SCAPER: variants seen among roughly 807,000 people sequenced by gnomAD.
SCAPER encodes the protein S-phase cyclin A associated protein in the ER.
Under a neutral mutation model 182.2 loss-of-function variants are expected in SCAPER, and 98 were observed. The observed-to-expected ratio is 0.54, with a 90% CI of 0.46 to 0.64. The LOEUF is 0.64. Ranked by LOEUF, SCAPER falls within the 30% of genes least tolerant of loss-of-function variation. The pLI, the probability that SCAPER is intolerant of heterozygous loss-of-function variation, is 0.00. For missense variants in SCAPER, 1,432 were observed against 1,690.0 expected, an observed-to-expected ratio of 0.85 and a Z score of 2.68; for synonymous variants, 605 against 564.6, an observed-to-expected ratio of 1.07 and a Z score of -1.01.
At chr15:76,863,397 G>C (rs1029787377) in intron 2 of SCAPER, among the ~76,000 whole-genome samples, 2 of 152,192 alleles carry the variant, frequency 1.3e-5, no homozygotes, top group Non-Finnish European at 2.9e-5. Context: ...AGTCCAATTA[G>C]TAGGTGCCTC....
At chr15:76,825,208 G>A (rs117381482) in intron 5 of SCAPER, among the ~76,000 whole-genome samples, 4,687 of 152,138 alleles carry the variant, frequency 0.031, 117 homozygotes, top group Non-Finnish European at 0.046. Context: ...CCCTCATCTA[G>A]TCCAACCTCT....
chr15:76,740,373 G>C (rs2061475854), intron 15 of SCAPER, among the ~76,000 whole-genome samples: 1 of 152,180 alleles, frequency 6.6e-6, no homozygotes, highest in African/African-American at 2.4e-5. Context: ...TAAAGATTAA[G>C]AGAGCTTACA....
intron 26 of SCAPER, among the ~76,000 whole-genome samples, chr15:76,410,616 C>T (rs944730061): frequency 2.4e-4 from 36 of 152,118 alleles, no homozygotes; most frequent in African/African-American, 8.0e-4. Flanking sequence ...ATTGTTATTG[C>T]TATAGTTTGG....
At chr15:76,616,959 G>A (rs1341466418) in intron 22 of SCAPER, among the ~76,000 whole-genome samples, 1 of 151,910 alleles carries the variant, frequency 6.6e-6, no homozygotes, top group East Asian at 1.9e-4. Flanking sequence ...AAACAAATTG[G>A]GCACTTTTAA....
At chr15:76,801,898 G>C (rs550113340) in intron 6 of SCAPER, among the ~76,000 whole-genome samples, 1 of 150,852 alleles carries the variant, frequency 6.6e-6, no homozygotes, top group African/African-American at 2.4e-5. Context: ...TAAAGAGTAA[G>C]ACTCTGTCTC....
In SCAPER at chr15:76,721,268, C is replaced by G. The variant is rs568110512; in HGVS notation, c.2165+7327G>C. On this transcript the variant is annotated intron_variant, in intron 17 of 31. Transcript: ENST00000563290. ...CGGCATTATTTCTGAGGGCTCTGTT[C>G]TGTTCCATTGGTCTATAACTCTGTT... Among the ~76,000 whole-genome samples the G allele has an allele frequency of 2.4e-3, 367 of 152,264 alleles. 2 individuals are homozygous for G. The highest frequency in any genetic ancestry group is 8.4e-3 in the African/African-American group (349 of 41,556).
rs188034999 is a variant in SCAPER, at chr15:76,607,727, T to G, written c.2711+14037A>C. Among the ~76,000 whole-genome samples, 43 of 151,952 alleles carry G rather than the reference T, an allele frequency of 2.8e-4. No individual in the cohort carries two copies. The East Asian group carries it at 7.6e-3, about 27-fold the overall frequency. On this transcript the variant is annotated intron_variant, in intron 22 of 31. Coordinates refer to ENST00000563290, the MANE Select transcript of SCAPER (RefSeq NM_020843.4). ...AGCTTTGTTCATTTCTTTTTACTCT[T>G]TTTTCTCTAAACTTCCCTTCTCGCT...
At chr15:76,596,798 T>A (rs1207188356) in intron 22 of SCAPER, among the ~76,000 whole-genome samples, 4 of 121,322 alleles carry the variant, frequency 3.3e-5, no homozygotes, top group South Asian at 2.6e-4. Flanking sequence ...TAGGTATTGA[T>A]GGAATGTATC....
intron 8 of SCAPER, 133 bp downstream of exon 8, chr15:76,795,147 T>C (rs1213401753): frequency 1.8e-5 from 15 of 841,790 alleles, no homozygotes; most frequent in East Asian, 1.5e-4. Flanking sequence ...AAGATAATTT[T>C]ATGTTTTAAT....
At chr15:76,748,563 C>T (rs960812838) in intron 15 of SCAPER, among the ~76,000 whole-genome samples, 38 of 149,214 alleles carry the variant, frequency 2.5e-4, no homozygotes, top group Non-Finnish European at 7.4e-5. Flanking sequence ...GAAAAGGCAA[C>T]TTGCAAAATT....
chr15:76,756,875 T>A (rs2062465293), intron 14 of SCAPER, among the ~76,000 whole-genome samples: 1 of 152,216 alleles, frequency 6.6e-6, no homozygotes, highest in Non-Finnish European at 1.5e-5. Context: ...GCTCAGGGAA[T>A]CATAGCTTAT....
At chr15:76,420,178 A>G (rs1478643705) in intron 26 of SCAPER, among the ~76,000 whole-genome samples, 2 of 152,022 alleles carry the variant, frequency 1.3e-5, no homozygotes, top group Non-Finnish European at 2.9e-5. Flanking sequence ...AGCTAATGTC[A>G]TAAGATCAGG....
chr15:76,752,704 T>C (rs1021776677), intron 15 of SCAPER, among the ~76,000 whole-genome samples: 1 of 151,708 alleles, frequency 6.6e-6, no homozygotes, highest in African/African-American at 2.4e-5. Context: ...AGTAGAATGA[T>C]GATTGCCAGG....
chr15:76,859,767 T>C (rs1287854983), intron 3 of SCAPER, among the ~76,000 whole-genome samples: 3 of 152,132 alleles, frequency 2.0e-5, no homozygotes, highest in Admixed American at 6.5e-5. Flanking sequence ...AGTCTCACTC[T>C]GTCCCCCAGG....
intron 21 of SCAPER, among the ~76,000 whole-genome samples, chr15:76,664,507 G>A (rs2056424007): frequency 6.6e-6 from 1 of 152,034 alleles, no homozygotes; most frequent in Non-Finnish European, 1.5e-5. Flanking sequence ...AGAAAGAGCA[G>A]GTTTGTTTTG....
chr15:76,693,923 T>C (rs1046313022), intron 20 of SCAPER, among the ~76,000 whole-genome samples: 4 of 152,110 alleles, frequency 2.6e-5, no homozygotes, highest in Non-Finnish European at 5.9e-5. Context: ...GATGGTAGCA[T>C]AAGAATGTGA....
intron 1 of SCAPER, among the ~76,000 whole-genome samples, chr15:76,897,064 G>T (rs1360992635): frequency 2.0e-5 from 3 of 151,970 alleles, no homozygotes; most frequent in Non-Finnish European, 4.4e-5. Context: ...TAACATTTTT[G>T]AATCTCAGGG....
chr15:76,784,414 T>C (rs1598719370), intron 8 of SCAPER, among the ~76,000 whole-genome samples: 1 of 152,226 alleles, frequency 6.6e-6, no homozygotes, highest in Non-Finnish European at 1.5e-5. Flanking sequence ...GAATATTCCA[T>C]GCTCATGGAC....
At chr15:76,899,309 C>A (rs1402085195) in intron 1 of SCAPER, among the ~76,000 whole-genome samples, 1 of 152,168 alleles carries the variant, frequency 6.6e-6, no homozygotes, top group Non-Finnish European at 1.5e-5. Flanking sequence ...GGGTTCCAGG[C>A]ACGCGCCGCC....
Sources: allele counts gnomAD v4.1 joint callset (sites outside exome capture counted in the v4.1 genomes callset), GRCh38; gene constraint gnomAD v4.1.1; transcripts MANE v1.5; gene names NCBI Gene and HGNC (gene_info 2026-07-23, HGNC 2026-07-21).